The following SDR16C5 variants were observed in gnomAD, a reference collection of about 807,000 sequenced individuals.
The protein encoded by SDR16C5 is short chain dehydrogenase/reductase family 16C member 5, also known as epidermal retinol dehydrogenase 2.
In SDR16C5, 20 loss-of-function variants were observed where a neutral mutation model predicts 27.7. The ratio of observed to expected loss-of-function variants is 0.72; its 90% confidence interval spans 0.51 to 1.05. The LOEUF is 1.05. Ranked by LOEUF, SDR16C5 falls within the 50% of genes least tolerant of loss-of-function variation. The pLI is 0.00. For synonymous variants in SDR16C5, 139 were observed against 132.3 expected, an observed-to-expected ratio of 1.05 and a Z score of -0.35; for missense variants, 374 against 366.3, an observed-to-expected ratio of 1.02 and a Z score of -0.17.
chr8:56,315,035 G>A (rs901166791), intron 2 of SDR16C5, among the ~76,000 whole-genome samples: 2 of 152,096 alleles, frequency 1.3e-5, no homozygotes, highest in South Asian at 2.1e-4. Context: ...ACCTGAGGTC[G>A]GGAGTTCGAC....
chr8:56,310,025 T>A (rs1255025170), intron 3 of SDR16C5, among the ~76,000 whole-genome samples: 1 of 147,164 alleles, frequency 6.8e-6, no homozygotes, highest in Non-Finnish European at 1.5e-5. Flanking sequence ...ACACCAGCAC[T>A]GAAGGAAGAG....
At position 56,316,047 on chromosome 8, in the gene SDR16C5, G is replaced by T; in HGVS notation, c.301C>A (p.Gln101Lys). Residue 101 changes from glutamine to lysine, a missense_variant, in exon 2 of 7, where the codon CAA becomes AAA. Physicochemically the swap from Gln to Lys is moderately conservative, Grantham distance 53. Coordinates refer to ENST00000303749, the MANE Select transcript of SDR16C5 (RefSeq NM_138969.4). Reference protein sequence around the residue: ...RVHAYTCDCSQKEGVYRVADQ... With the variant: ...RVHAYTCDCSKKEGVYRVADQ... ...GCTACTCTATACACTCCTTCCTTTTGGCTGCAATCGCAGGTATAGGCGTGC... is the reference window on the plus strand; with the variant it reads ...GCTACTCTATACACTCCTTCCTTTTTGCTGCAATCGCAGGTATAGGCGTGC... 1 of 1,613,952 alleles carries T rather than the reference G, an allele frequency of 6.2e-7. No individual in the cohort carries two copies. The highest frequency in any genetic ancestry group is 8.5e-7 in the Non-Finnish European group (1 of 1,179,856).
chr8:56,301,277 G>C lies in SDR16C5; in HGVS notation c.*203C>G. 2.2e-6 allele frequency: 1 copy of C among 460,706 alleles called. No homozygotes were observed. The highest frequency in any genetic ancestry group is 3.3e-5 in the East Asian group (1 of 30,074). The allele number at this position is 460,706 out of a possible 1,614,324, so 28.5% of individuals were successfully genotyped here. On this transcript the variant is annotated 3_prime_UTR_variant, in exon 7 of 7. Coordinates refer to ENST00000303749, the MANE Select transcript of SDR16C5 (RefSeq NM_138969.4). ...TTATTTTTGGAAAAAAAAAGAAAAA[G>C]AAAAAACCAAAACTCAACCAAATAG...
chr8:56,312,575 C>T (rs1017878832), intron 2 of SDR16C5, among the ~76,000 whole-genome samples: 3 of 151,862 alleles, frequency 2.0e-5, no homozygotes, highest in Admixed American at 6.6e-5. Context: ...CATGGTGATG[C>T]GTGCCTCTAG....
In SDR16C5 at chr8:56,316,077, T is replaced by C. The variant is rs1172785153; in HGVS notation, c.271A>G (p.Arg91Gly). The C allele has an allele frequency of 3.7e-6, 6 of 1,614,142 alleles. No individual in the cohort carries two copies. Among genetic ancestry groups the C allele is most frequent in the East Asian group, 2.2e-5 (1 of 44,872 alleles). ...CKMAREAGAT[R>G]VHAYTCDCSQ... ...CAATCGCAGGTATAGGCGTGCACTC[T>C]TGTGGCTCCAGCTTCCCGAGCCATC... Residue 91 changes from arginine to glycine, a missense_variant, in exon 2 of 7, where the codon AGA (arginine) becomes GGA (glycine). Transcript: ENST00000303749.
At chr8:56,304,262 T>C (rs1814828938) in intron 6 of SDR16C5, among the ~76,000 whole-genome samples, 1 of 152,190 alleles carries the variant, frequency 6.6e-6, no homozygotes, top group South Asian at 2.1e-4. Flanking sequence ...GCAAGACTGA[T>C]GGAATTGCAC....
At position 56,301,443 on chromosome 8, in the gene SDR16C5, ACT is replaced by A; in HGVS notation, c.*35_*36del. The A allele has an allele frequency of 7.1e-7, 1 of 1,404,802 alleles. No individual in the cohort carries two copies. The highest frequency in any genetic ancestry group is 1.2e-5 in the South Asian group (1 of 86,720). The allele number at this position is 1,404,802 out of a possible 1,614,324, so 87.0% of individuals were successfully genotyped here. The stretch of plus-strand genomic sequence containing the variant: ...TTCATTGAAGTACGCATTATGTAAC[ACT>A]GTGTATCAGATGACCTTAGCCATAG... On this transcript the variant is annotated 3_prime_UTR_variant, in exon 7 of 7. Transcript: ENST00000303749.
In SDR16C5 at chr8:56,316,028, C is replaced by G. The variant is rs545646328; in HGVS notation, c.320G>C (p.Arg107Thr). 2 of 1,612,946 alleles carry G rather than the reference C, an allele frequency of 1.2e-6. No homozygotes were observed. The highest frequency in any genetic ancestry group is 1.3e-5 in the African/African-American group (1 of 75,010). ...CACAAGAGTTACCTGGTCGGCTACT[C>G]TATACACTCCTTCCTTTTGGCTGCA... Reference protein sequence around the residue: ...CDCSQKEGVYRVADQVKKEVG... With the variant: ...CDCSQKEGVYTVADQVKKEVG... Residue 107 changes from arginine to threonine, a missense_variant, in exon 2 of 7, where the codon AGA becomes ACA. Coordinates refer to ENST00000303749, the MANE Select transcript of SDR16C5 (RefSeq NM_138969.4).
chr8:56,309,333 G>A, intron 3 of SDR16C5: 1 of 985,256 alleles, frequency 1.0e-6, no homozygotes, highest in Non-Finnish European at 1.2e-6. Context: ...CTTTGTTGTG[G>A]CAGCCACAAC....
intron 1 of SDR16C5, among the ~76,000 whole-genome samples, chr8:56,318,866 C>G (rs1815262737): frequency 6.6e-6 from 1 of 152,002 alleles, no homozygotes; most frequent in Admixed American, 6.6e-5. Context: ...CTGCTGGGTA[C>G]CCACACAGGC....
intron 6 of SDR16C5, chr8:56,304,212 G>A (rs1317329469): frequency 1.7e-6 from 1 of 597,992 alleles, no homozygotes; most frequent in Non-Finnish European, 3.0e-6. Flanking sequence ...GTGGAAGTGA[G>A]GTATAATATC....
chr8:56,316,263 C>CA lies in SDR16C5; in HGVS notation c.84dup (p.Ala29CysfsTer13), dbSNP rs750031928. ...TTCTTCCGTGGCTTTGGGAGTAAGG[C>CA]AAAAATCATAGCCTCCAGAAGACTA... On this transcript the variant is annotated frameshift_variant, in exon 2 of 7. Coordinates refer to ENST00000303749, the MANE Select transcript of SDR16C5 (RefSeq NM_138969.4). LOFTEE classifies it high-confidence loss of function. 6.2e-7 allele frequency: 1 copy of CA among 1,613,836 alleles called. No individual in the cohort carries two copies. Among genetic ancestry groups the CA allele is most frequent in the Non-Finnish European group, 8.5e-7 (1 of 1,179,714 alleles).
intron 4 of SDR16C5, among the ~76,000 whole-genome samples, chr8:56,307,427 C>T (rs1814914187): frequency 6.6e-6 from 1 of 152,182 alleles, no homozygotes; most frequent in Non-Finnish European, 1.5e-5. Flanking sequence ...TTAATCATAC[C>T]TGTTTTAACA....
At chr8:56,317,062 C>T (rs886437370) in intron 1 of SDR16C5, among the ~76,000 whole-genome samples, 2 of 152,206 alleles carry the variant, frequency 1.3e-5, no homozygotes, top group East Asian at 1.9e-4. Flanking sequence ...CAGACCTGGA[C>T]TCCTGCCCTG....
rs746697652 is a variant in SDR16C5, at chr8:56,308,963, C to G, written c.530G>C (p.Ser177Thr). 49 of 1,612,972 alleles carry G rather than the reference C, an allele frequency of 3.0e-5. No homozygotes were observed. The highest frequency in any genetic ancestry group is 5.3e-5 in the African/African-American group (4 of 74,914). ...NDHGHLVCIS[S>T]SAGLSGVNGL... is the part of the protein sequence containing the mutation. ...ATTTACTCCACTTAATCCAGCTGAA[C>G]TTGAAATGCAAACCAAATGTCCATG... The change falls in exon 4 of 7, where the codon AGT becomes ACT. Residue 177 changes from serine (S) to threonine (T), a missense_variant. Coordinates refer to ENST00000303749, the MANE Select transcript of SDR16C5 (RefSeq NM_138969.4).
chr8:56,314,075 C>T (rs1241293130), intron 2 of SDR16C5, among the ~76,000 whole-genome samples: 3 of 152,018 alleles, frequency 2.0e-5, no homozygotes, highest in South Asian at 2.1e-4. Flanking sequence ...GGCGTGGTAG[C>T]GTGCACCTGT....
At chr8:56,304,121 T>C (rs781271118) in intron 6 of SDR16C5, 4 of 701,202 alleles carry the variant, frequency 5.7e-6, no homozygotes, top group East Asian at 2.7e-5. Context: ...GACATTTGGT[T>C]CATTGCACAA....
intron 4 of SDR16C5, among the ~76,000 whole-genome samples, chr8:56,307,997 G>C (rs1814929788): frequency 6.6e-6 from 1 of 152,156 alleles, no homozygotes; most frequent in Non-Finnish European, 1.5e-5. Flanking sequence ...ATATATAAGA[G>C]GGAGGTAAGA....
At position 56,312,271 on chromosome 8, in the gene SDR16C5, G is replaced by A. The variant is rs777595119; in HGVS notation, c.351C>T (p.Gly117=). 5 of 1,613,646 alleles carry A rather than the reference G, an allele frequency of 3.1e-6. No homozygotes were observed. Among genetic ancestry groups the A allele is most frequent in the African/African-American group, 2.7e-5 (2 of 75,040 alleles). ...RVADQVKKEV[G]DVSILINNAG... The stretch of plus-strand genomic sequence containing the variant: ...CATTGTTGATTAGGATGGAAACATC[G>A]CCGACTTCTTTTTTAACCTGAATTG... The change falls in exon 3 of 7, where the codon GGC becomes GGT. Residue 117 remains glycine (G), a synonymous_variant. Transcript: ENST00000303749.
Sources: gnomAD v4.1 joint callset for allele counts (sites outside exome capture counted in the v4.1 genomes callset) on GRCh38, gnomAD v4.1.1 for gene constraint, MANE v1.5 for transcripts, NCBI Gene and HGNC (gene_info 2026-07-23, HGNC 2026-07-21) for gene names.